Variants in ADAM12 observed in about 807,000 individuals in gnomAD.
The protein encoded by ADAM12 is ADAM metallopeptidase domain 12, also known as disintegrin and metalloproteinase domain-containing protein 12.
Under a neutral mutation model 106.4 loss-of-function variants are expected in ADAM12, and 70 were observed. That is an observed-to-expected ratio of 0.66 (90% CI 0.54 to 0.80). The LOEUF (loss-of-function observed/expected upper bound fraction) is 0.80. ADAM12 is among the 30% of genes least tolerant of loss of function. The pLI is 0.00. For synonymous variants in ADAM12, 420 were observed against 433.5 expected, an observed-to-expected ratio of 0.97 and a Z score of 0.39; for missense variants, 1,010 against 1,171.9, an observed-to-expected ratio of 0.86 and a Z score of 2.02.
chr10:126,040,003 G>A (rs1954131865), intron 18 of ADAM12, among the ~76,000 whole-genome samples: 1 of 152,158 alleles, frequency 6.6e-6, no homozygotes, highest in South Asian at 2.1e-4. Flanking sequence ...GTTATGTTGG[G>A]GACTTAAAAA....
At chr10:126,287,073 C>A (rs746569933) in intron 2 of ADAM12, among the ~76,000 whole-genome samples, 11 of 152,196 alleles carry the variant, frequency 7.2e-5, no homozygotes, top group Non-Finnish European at 1.5e-4. Context: ...TTTGTCCCGT[C>A]GCTACCGGTG....
At chr10:126,195,352 A>C (rs1957577624) in intron 3 of ADAM12, among the ~76,000 whole-genome samples, 1 of 152,192 alleles carries the variant, frequency 6.6e-6, no homozygotes, top group Non-Finnish European at 1.5e-5. Context: ...AGGTGGGTGG[A>C]TCACCTCAGA....
At chr10:126,225,982 A>G (rs1185766622) in intron 3 of ADAM12, among the ~76,000 whole-genome samples, 1 of 152,120 alleles carries the variant, frequency 6.6e-6, no homozygotes, top group African/African-American at 2.4e-5. Context: ...CAAACATGAA[A>G]TGGGCATCTG....
At chr10:126,173,435 G>T (rs746254311) in intron 3 of ADAM12, among the ~76,000 whole-genome samples, 1 of 151,998 alleles carries the variant, frequency 6.6e-6, no homozygotes, top group African/African-American at 2.4e-5. Flanking sequence ...TGTGCTGGGG[G>T]GCTGTCCTGT....
chr10:126,029,872 A>G (rs1953943978), intron 21 of ADAM12, among the ~76,000 whole-genome samples: 1 of 152,216 alleles, frequency 6.6e-6, no homozygotes, highest in Non-Finnish European at 1.5e-5. Flanking sequence ...CTCCGAACAC[A>G]CTGTGTTGGT....
Position 126,039,240 on chromosome 10 carries a change from C to A in ADAM12, c.2240+54G>T, listed in dbSNP as rs532180387. Reference sequence around the variant, plus strand: ...GGGATTACAGGCTTGAGCCACCGCACCCAGCCTCTGAGCCACCATTTCTAG... The same window carrying A: ...GGGATTACAGGCTTGAGCCACCGCAACCAGCCTCTGAGCCACCATTTCTAG... On this transcript the variant is annotated intron_variant, in intron 19 of 22. Coordinates refer to ENST00000448723, the MANE Select transcript of ADAM12 (RefSeq NM_001288973.2). The A allele has an allele frequency of 1.4e-5, 23 of 1,601,292 alleles. No homozygotes were observed. In the East Asian group the frequency reaches 5.0e-4, roughly 35 times the overall value.
Position 126,049,513 on chromosome 10 carries a change from G to A in ADAM12, c.1718+48C>T, listed in dbSNP as rs1954419098. 1.2e-6 allele frequency: 2 copies of A among 1,613,366 alleles called. No homozygotes were observed. The highest frequency in any genetic ancestry group is 8.5e-7 in the Non-Finnish European group (1 of 1,179,242). On this transcript the variant is annotated intron_variant, in intron 15 of 22. Coordinates refer to ENST00000448723, the MANE Select transcript of ADAM12 (RefSeq NM_001288973.2). This position sits in a 1 kb window ranked among gnomAD's most constrained non-coding sequence, Gnocchi z 4.4. ...CCATTTGGAACCAACCCTATGCAAT[G>A]TGGGAAGGTCAGAGCAAAGACTTTG... is the stretch of plus-strand genomic sequence containing the variant.
intron 1 of ADAM12, among the ~76,000 whole-genome samples, chr10:126,339,978 C>T (rs956483517): frequency 7.2e-5 from 11 of 151,732 alleles, no homozygotes; most frequent in Non-Finnish European, 1.0e-4. Flanking sequence ...CTTCAGCCTC[C>T]GGAGTAGCTG....
chr10:126,024,775 G>A (rs540557761), intron 21 of ADAM12, among the ~76,000 whole-genome samples: 12 of 152,008 alleles, frequency 7.9e-5, no homozygotes, highest in African/African-American at 2.4e-4. Context: ...ATTACTAGGT[G>A]GTCATCTAGA....
intron 1 of ADAM12, among the ~76,000 whole-genome samples, chr10:126,348,840 T>C (rs1855248140): frequency 6.6e-6 from 1 of 152,198 alleles, no homozygotes; most frequent in Non-Finnish European, 1.5e-5. Flanking sequence ...CAATGAATAA[T>C]TCTTTAGGAT....
chr10:126,120,141 T>C (rs1278396), intron 5 of ADAM12, among the ~76,000 whole-genome samples: 101,237 of 152,114 alleles, frequency 0.67, 34,583 homozygotes, highest in African/African-American at 0.83. Flanking sequence ...TGAACCTCCT[T>C]AGACTCTTCC....
intron 3 of ADAM12, among the ~76,000 whole-genome samples, chr10:126,261,803 ATTTTT>A (rs11316581): frequency 1.5e-5 from 2 of 134,342 alleles, no homozygotes; most frequent in African/African-American, 2.7e-5. Flanking sequence ...GATGGATAGT[ATTTTT>A]TTTTTTTTTT....
In ADAM12 at chr10:126,049,988, GTGGCTGGCTGGCTGGCTGGCTGGCTGGC is replaced by G. The variant is rs60411537; in HGVS notation, c.1610-347_1610-320del. On this transcript the variant is annotated intron_variant, in intron 14 of 22. Coordinates refer to ENST00000448723, the MANE Select transcript of ADAM12 (RefSeq NM_001288973.2). The surrounding 1 kb of genome is among the most constrained non-coding windows in gnomAD (Gnocchi z 4.4). Reference sequence around the variant, plus strand: ...AGATCTGATCCAGGGCAGAAAGGAGGTGGCTGGCTGGCTGGCTGGCTGGCTGGCTGGCTGGCTGGCTGGCTGCAGAGAA... The same window carrying G: ...AGATCTGATCCAGGGCAGAAAGGAGGTGGCTGGCTGGCTGGCTGCAGAGAA... 2.0e-5 allele frequency among the ~76,000 whole-genome samples: 3 copies of G among 149,826 alleles called. No homozygotes were observed. Among genetic ancestry groups the G allele is most frequent in the African/African-American group, 7.4e-5 (3 of 40,752 alleles).
intron 3 of ADAM12, among the ~76,000 whole-genome samples, chr10:126,230,329 C>T (rs140832282): frequency 3.2e-4 from 48 of 152,304 alleles, no homozygotes; most frequent in African/African-American, 9.4e-4. Context: ...TTCAATACAA[C>T]ATCTTCAATG....
intron 3 of ADAM12, among the ~76,000 whole-genome samples, chr10:126,246,668 T>C (rs940016610): frequency 2.0e-5 from 3 of 152,230 alleles, no homozygotes; most frequent in Non-Finnish European, 4.4e-5. Flanking sequence ...GAAAAGGCTT[T>C]TGATAAAATT....
intron 5 of ADAM12, among the ~76,000 whole-genome samples, chr10:126,120,417 G>A (rs991666465): frequency 2.6e-5 from 4 of 152,158 alleles, no homozygotes; most frequent in African/African-American, 9.7e-5. Flanking sequence ...GATTTTTAGG[G>A]GAATTCATTG....
intron 14 of ADAM12, among the ~76,000 whole-genome samples, chr10:126,052,102 G>A (rs1014744623): frequency 8.5e-5 from 13 of 152,216 alleles, no homozygotes; most frequent in African/African-American, 7.2e-5. Flanking sequence ...GTGAAGCCAG[G>A]CTTCTGGGCT....
intron 3 of ADAM12, among the ~76,000 whole-genome samples, chr10:126,243,535 G>A (rs1467336238): frequency 4.7e-5 from 7 of 148,716 alleles, no homozygotes; most frequent in African/African-American, 1.8e-4. Context: ...TTCAGGACAA[G>A]TTAAAACACT....
At chr10:126,300,103 G>A (rs999858937) in intron 2 of ADAM12, among the ~76,000 whole-genome samples, 5 of 152,110 alleles carry the variant, frequency 3.3e-5, no homozygotes, top group Non-Finnish European at 7.3e-5. Context: ...TTCTTAAGAT[G>A]CGAGCATGCA....
Sources: gnomAD v4.1 joint callset for allele counts (sites outside exome capture counted in the v4.1 genomes callset) on GRCh38, gnomAD v4.1.1 for gene constraint, Gnocchi (gnomAD v3.1) non-coding constraint, MANE v1.5 for transcripts, NCBI Gene and HGNC (gene_info 2026-07-23, HGNC 2026-07-21) for gene names.